Variants in PCOLCE2 observed in about 807,000 individuals in gnomAD.
The protein encoded by PCOLCE2 is procollagen C-proteinase enhancer 2.
PCOLCE2 carries 42 observed loss-of-function variants against 47.0 expected under a neutral mutation model. The ratio of observed to expected loss-of-function variants is 0.89; its 90% confidence interval spans 0.70 to 1.16. The LOEUF is 1.16. Among genes scored for constraint, PCOLCE2 ranks in the 50% most tolerant of loss-of-function variants. The pLI is 0.00. For synonymous variants in PCOLCE2, 169 were observed against 191.7 expected, an observed-to-expected ratio of 0.88 and a Z score of 0.98; for missense variants, 500 against 526.1, an observed-to-expected ratio of 0.95 and a Z score of 0.49.
intron 3 of PCOLCE2, chr3:142,843,340 T>C: frequency 2.1e-6 from 1 of 481,140 alleles, no homozygotes; most frequent in East Asian, 6.0e-5. Context: ...CATTTGAATA[T>C]GCACTCACTC....
intron 2 of PCOLCE2, among the ~76,000 whole-genome samples, chr3:142,885,444 A>C (rs1311706646): frequency 6.6e-6 from 1 of 152,208 alleles, no homozygotes; most frequent in Admixed American, 6.5e-5. Context: ...GAACAGAAAA[A>C]TGGGCTGGAC....
intron 2 of PCOLCE2, among the ~76,000 whole-genome samples, chr3:142,854,689 A>T (rs1346094604): frequency 6.6e-6 from 1 of 152,172 alleles, no homozygotes; most frequent in African/African-American, 2.4e-5. Context: ...GCCTGAAGAC[A>T]CCAGTGGAGA....
intron 4 of PCOLCE2, among the ~76,000 whole-genome samples, chr3:142,841,507 T>C (rs1937263943): frequency 6.6e-6 from 1 of 152,222 alleles, no homozygotes. Flanking sequence ...CAATATAATT[T>C]CAAGAATTAC....
At chr3:142,844,156 T>C (rs968759596) in intron 3 of PCOLCE2, among the ~76,000 whole-genome samples, 2 of 152,218 alleles carry the variant, frequency 1.3e-5, no homozygotes, top group African/African-American at 2.4e-5. Flanking sequence ...AAAATGGATA[T>C]ACCTGTGTAA....
chr3:142,839,091 C>T (rs193285565), intron 4 of PCOLCE2, among the ~76,000 whole-genome samples, 185 bp from the exon 5 acceptor site: 2 of 152,074 alleles, frequency 1.3e-5, no homozygotes, highest in Admixed American at 1.3e-4. Context: ...TATTCTTTTG[C>T]TTTTAATTGT....
At chr3:142,848,172 T>C (rs1167556693) in intron 3 of PCOLCE2, 45 bp downstream of exon 3, 1 of 1,589,392 alleles carries the variant, frequency 6.3e-7, no homozygotes, top group South Asian at 1.1e-5. Flanking sequence ...CCAAGAACAG[T>C]GAACCAACAT....
rs190726471 is a variant in PCOLCE2, at chr3:142,848,920, G to A, written c.193-448C>T. 2.4e-4 allele frequency among the ~76,000 whole-genome samples: 37 copies of A among 152,230 alleles called. No homozygotes were observed. In the East Asian group the frequency reaches 4.6e-3, roughly 19 times the overall value. ...TGTAATCCCAGCACTTTGGGAGGCC[G>A]AGGTGGGCGGATCACAAGGTCAGGA... On this transcript the variant is annotated intron_variant, in intron 2 of 8. Transcript: ENST00000295992.
intron 6 of PCOLCE2, among the ~76,000 whole-genome samples, chr3:142,824,772 T>C (rs1394226038): frequency 6.6e-6 from 1 of 152,222 alleles, no homozygotes; most frequent in Non-Finnish European, 1.5e-5. Flanking sequence ...CCTGAGTAGC[T>C]GGGACTACAG....
chr3:142,878,008 C>T (rs944698086), intron 2 of PCOLCE2, among the ~76,000 whole-genome samples: 2 of 152,192 alleles, frequency 1.3e-5, no homozygotes, highest in Non-Finnish European at 2.9e-5. Flanking sequence ...AGCAATCAAA[C>T]CCTTATCATT....
At chr3:142,852,948 T>A (rs1471789509) in intron 2 of PCOLCE2, among the ~76,000 whole-genome samples, 1 of 151,058 alleles carries the variant, frequency 6.6e-6, no homozygotes, top group Non-Finnish European at 1.5e-5. Flanking sequence ...CTACAAAAAA[T>A]TTTAAAAATT....
intron 4 of PCOLCE2, among the ~76,000 whole-genome samples, chr3:142,840,766 CT>C (rs1937255656): frequency 6.6e-6 from 1 of 152,154 alleles, no homozygotes. Context: ...AATTGGCGAA[CT>C]TTTTCTACTT....
At chr3:142,850,489 C>T (rs1486465266) in intron 2 of PCOLCE2, among the ~76,000 whole-genome samples, 2 of 152,110 alleles carry the variant, frequency 1.3e-5, no homozygotes, top group African/African-American at 4.8e-5. Flanking sequence ...GAGGTCAAAC[C>T]ACAATAGAGA....
intron 5 of PCOLCE2, among the ~76,000 whole-genome samples, chr3:142,832,956 A>G (rs559700460): frequency 1.3e-5 from 2 of 152,268 alleles, no homozygotes; most frequent in African/African-American, 4.8e-5. Flanking sequence ...CTGGCAGCCA[A>G]GCTCTTCCAG....
In PCOLCE2 at chr3:142,827,771, G is replaced by A. The variant is rs565520184; in HGVS notation, c.865+1921C>T. ...AATCTGGCTTAAATCTTTTAGTCTG[G>A]GGACCCGTGTACCCCTACGCATGGC... On this transcript the variant is annotated intron_variant, in intron 6 of 8. Transcript: ENST00000295992. The A allele has an allele frequency of 2.7e-4, 177 of 659,198 alleles. 1 individual carries two copies. The highest frequency in any genetic ancestry group is 2.2e-3 in the East Asian group (81 of 36,966). 40.8% of individuals were successfully genotyped at this position (659,198 alleles called of 1,614,324 possible). A position where few individuals can be genotyped will look rare whatever the true frequency, so the allele number is the denominator to read the frequency against.
At position 142,848,217 on chromosome 3, in the gene PCOLCE2, C is replaced by G; in HGVS notation, c.448G>C (p.Gly150Arg). The change falls in exon 3 of 9, where the codon GGG (glycine) becomes CGG (arginine). Residue 150 changes from glycine (G) to arginine (R), a missense_variant and splice_region_variant. Gly to Arg is a moderately radical substitution (Grantham distance 125, BLOSUM62 -2). Transcript: ENST00000295992. The part of the protein sequence containing the change: ...MFSAAEPNER[G>R]DQYCGGLLDR... ...TATTGCCATTATGTGGAAACAGTAC[C>G]TCTTTCGTTTGGTTCAGCAGCGGAG... is the stretch of plus-strand genomic sequence containing the variant. 1 of 1,613,212 alleles carries G rather than the reference C, an allele frequency of 6.2e-7. No homozygotes were observed. The highest frequency in any genetic ancestry group is 8.5e-7 in the Non-Finnish European group (1 of 1,179,176).
chr3:142,855,603 T>A (rs528969869), intron 2 of PCOLCE2, among the ~76,000 whole-genome samples: 1 of 152,212 alleles, frequency 6.6e-6, no homozygotes, highest in South Asian at 2.1e-4. Context: ...TCTTCTCAGG[T>A]CACACATGGA....
intron 3 of PCOLCE2, among the ~76,000 whole-genome samples, chr3:142,843,699 T>C (rs1199545360): frequency 6.6e-6 from 1 of 152,066 alleles, no homozygotes; most frequent in East Asian, 1.9e-4. Context: ...TATGTACCTG[T>C]AGGTTGGCAG....
At chr3:142,853,631 C>T (rs1933000264) in intron 2 of PCOLCE2, among the ~76,000 whole-genome samples, 2 of 152,218 alleles carry the variant, frequency 1.3e-5, no homozygotes, top group South Asian at 4.1e-4. Context: ...CTAATATTTC[C>T]TACCTTGCCT....
intron 2 of PCOLCE2, among the ~76,000 whole-genome samples, chr3:142,850,763 G>A (rs989648703): frequency 2.1e-4 from 32 of 152,066 alleles, no homozygotes; most frequent in African/African-American, 7.2e-4. Flanking sequence ...ATATAAACAA[G>A]CTTTTCAAGG....
Sources: allele counts gnomAD v4.1 joint callset (sites outside exome capture counted in the v4.1 genomes callset), GRCh38; gene constraint gnomAD v4.1.1; transcripts MANE v1.5; gene names NCBI Gene and HGNC (gene_info 2026-07-23, HGNC 2026-07-21).